Variants in VAC14 observed in about 807,000 individuals in gnomAD.
The protein encoded by VAC14 is protein VAC14 homolog.
In VAC14, 47 loss-of-function variants were observed where a neutral mutation model predicts 85.3. The observed-to-expected ratio is 0.55, with a 90% confidence interval of 0.44 to 0.70. The LOEUF (loss-of-function observed/expected upper bound fraction) is 0.70, where lower values mean the gene tolerates loss of function less well. Ranked by LOEUF, VAC14 falls within the 30% of genes least tolerant of loss-of-function variation. VAC14 has a pLI of 0.00. For synonymous variants in VAC14, 447 were observed against 430.5 expected (o/e 1.04, Z -0.47); for missense variants, 861 against 1,004.3 (o/e 0.86, Z 1.93).
Position 70,698,689 on chromosome 16 carries a change from G to A in VAC14, c.1784C>T (p.Thr595Ile), listed in dbSNP as rs1939581899. 1.2e-6 allele frequency: 2 copies of A among 1,614,086 alleles called. No individual in the cohort carries two copies. Among genetic ancestry groups the A allele is most frequent in the Non-Finnish European group, 1.7e-6 (2 of 1,180,034 alleles). Residue 595 changes from threonine (T) to isoleucine (I), a missense_variant, in exon 15 of 19, where the codon ACC (threonine) becomes ATC (isoleucine). Thr to Ile is a moderately conservative substitution (Grantham distance 89). Transcript: ENST00000261776. ...MVHALNTILL[T>I]STELFQLRNQ... ...CCTTAGCTGGAAGAGCTCTGTGGAG[G>A]TCAGCAGGATGGTGTTGAGGGCGTG...
chr16:70,704,270 A>G (rs1482194125), intron 14 of VAC14, among the ~76,000 whole-genome samples: 1 of 152,240 alleles, frequency 6.6e-6, no homozygotes, highest in Non-Finnish European at 1.5e-5. Context: ...CATGTGGTCC[A>G]GGCTGGCAGG....
intron 10 of VAC14, chr16:70,771,893 T>C (rs1442275665): frequency 1.9e-6 from 1 of 540,530 alleles, no homozygotes; most frequent in African/African-American, 1.9e-5. Context: ...CAGTGGCTTC[T>C]AATCCGCCCT....
chr16:70,756,928 T>C (rs7185921), intron 12 of VAC14, among the ~76,000 whole-genome samples: 40,750 of 152,104 alleles, frequency 0.27, 8,308 homozygotes, highest in African/African-American at 0.58. Context: ...ACTAGAAACG[T>C]TACCACTGCC....
chr16:70,772,093 G>GA lies in VAC14; in HGVS notation c.1160+15dup. The stretch of plus-strand genomic sequence containing the variant: ...CTCGCTTTCCACAAACCTTCTGGCT[G>GA]AAACAAGCCACTTACCTGGCTGCAG... On this transcript the variant is annotated intron_variant, in intron 10 of 18. Coordinates refer to ENST00000261776, the MANE Select transcript of VAC14 (RefSeq NM_018052.5). 1.2e-6 allele frequency: 2 copies of GA among 1,613,458 alleles called. No individual in the cohort carries two copies. Among genetic ancestry groups the GA allele is most frequent in the Non-Finnish European group, 1.7e-6 (2 of 1,179,628 alleles).
intron 10 of VAC14, 65 bp downstream of exon 10, chr16:70,772,044 C>A: frequency 6.7e-7 from 1 of 1,495,886 alleles, no homozygotes; most frequent in Non-Finnish European, 9.3e-7. Flanking sequence ...TGTAGTCTCC[C>A]GCATCCAGGA....
chr16:70,700,507 G>T (rs2053804327), intron 14 of VAC14, among the ~76,000 whole-genome samples: 1 of 152,198 alleles, frequency 6.6e-6, no homozygotes, highest in Non-Finnish European at 1.5e-5. Flanking sequence ...ATACCTATCT[G>T]TGAAATAGGG....
At chr16:70,733,447 TTTGA>T (rs770921227) in intron 13 of VAC14, among the ~76,000 whole-genome samples, 16 of 151,822 alleles carry the variant, frequency 1.1e-4, no homozygotes, top group Admixed American at 1.1e-3. Flanking sequence ...GATACTATAG[TTTGA>T]TTATTTGTCC....
chr16:70,755,914 T>C, intron 12 of VAC14: 1 of 426,668 alleles, frequency 2.3e-6, no homozygotes. Flanking sequence ...CTCTGCTTCC[T>C]CCCACCATTC....
intron 14 of VAC14, among the ~76,000 whole-genome samples, chr16:70,724,609 T>A (rs1003500125): frequency 6.6e-6 from 1 of 152,168 alleles, no homozygotes; most frequent in Admixed American, 6.5e-5. Flanking sequence ...AATTAGGAGA[T>A]GAGAAGCCGG....
At chr16:70,690,679 C>CCTGTCTGCCAG in intron 18 of VAC14, 1 of 985,730 alleles carries the variant, frequency 1.0e-6, no homozygotes, top group Non-Finnish European at 1.2e-6. Flanking sequence ...GCAACTCGAC[C>CCTGTCTGCCAG]CTGTCTGCCA....
At chr16:70,791,267 T>C (rs914051901) in intron 1 of VAC14, among the ~76,000 whole-genome samples, 1 of 152,238 alleles carries the variant, frequency 6.6e-6, no homozygotes, top group African/African-American at 2.4e-5. Flanking sequence ...TTCCTGATGA[T>C]CCCACGAAGT....
intron 10 of VAC14, chr16:70,766,440 C>G (rs200027668): frequency 2.2e-6 from 1 of 454,810 alleles, no homozygotes; most frequent in African/African-American, 2.0e-5. Flanking sequence ...ACTTTCTCCA[C>G]AGCAAACACC....
chr16:70,783,741 G>T (rs545469046), intron 5 of VAC14, among the ~76,000 whole-genome samples, 187 bp from the exon 6 acceptor site: 1 of 152,232 alleles, frequency 6.6e-6, no homozygotes, highest in Admixed American at 6.5e-5. Context: ...ATGTGCAGGG[G>T]AATGGCAATT....
chr16:70,773,772 A>AT (rs201411110), intron 9 of VAC14, among the ~76,000 whole-genome samples: 5 of 144,224 alleles, frequency 3.5e-5, no homozygotes, highest in South Asian at 2.2e-4. Flanking sequence ...TATTATTATT[A>AT]TTTTTTTTTG....
intron 2 of VAC14, 82 bp downstream of exon 2, chr16:70,786,133 T>C (rs2034043740): frequency 6.4e-7 from 1 of 1,559,110 alleles, no homozygotes; most frequent in South Asian, 1.2e-5. Flanking sequence ...CCCTACTGGG[T>C]CTTGACAGGG....
At chr16:70,772,013 G>C (rs1230457814) in intron 10 of VAC14, 96 bp downstream of exon 10, 2 of 1,137,542 alleles carry the variant, frequency 1.8e-6, no homozygotes, top group Admixed American at 3.9e-5. Flanking sequence ...GCCGCGAGTA[G>C]AATTTGCCTT....
intron 14 of VAC14, among the ~76,000 whole-genome samples, chr16:70,728,000 T>C (rs577979572): frequency 6.0e-4 from 91 of 152,170 alleles, no homozygotes; most frequent in African/African-American, 2.0e-3. Flanking sequence ...AGAAACCGGG[T>C]GAAGGACTAG....
chr16:70,765,991 G>C (rs543634235), intron 10 of VAC14, among the ~76,000 whole-genome samples: 1 of 151,846 alleles, frequency 6.6e-6, no homozygotes, highest in East Asian at 1.9e-4. Flanking sequence ...AAATTAGCTG[G>C]GTGTGGTGGT....
intron 14 of VAC14, among the ~76,000 whole-genome samples, chr16:70,701,280 A>C (rs2053822355): frequency 6.6e-6 from 1 of 152,116 alleles, no homozygotes; most frequent in Non-Finnish European, 1.5e-5. Flanking sequence ...TAGATGGAAC[A>C]GCTGCTTGCC....
Sources: allele counts gnomAD v4.1 joint callset (sites outside exome capture counted in the v4.1 genomes callset), GRCh38; gene constraint gnomAD v4.1.1; transcripts MANE v1.5; gene names NCBI Gene and HGNC (gene_info 2026-07-23, HGNC 2026-07-21).